RASGEF1B: variants seen among roughly 807,000 people sequenced by gnomAD.
RASGEF1B encodes the protein RasGEF domain family member 1B.
In RASGEF1B, 30 loss-of-function variants were observed where a neutral mutation model predicts 65.7. The ratio of observed to expected loss-of-function variants is 0.46; its 90% CI spans 0.34 to 0.62. The LOEUF (loss-of-function observed/expected upper bound fraction) is 0.62. Ranked by LOEUF, RASGEF1B falls within the 20% of genes least tolerant of loss-of-function variation. The probability of loss-of-function intolerance (pLI) is 0.01; values close to 1 mark genes in which losing one functional copy is unlikely to be tolerated. For missense variants in RASGEF1B, 495 were observed against 580.1 expected (o/e 0.85, Z 1.51); for synonymous variants, 175 against 194.8 (o/e 0.90, Z 0.85).
chr4:81,461,847 T>A (rs955129742), intron 1 of RASGEF1B, among the ~76,000 whole-genome samples: 1 of 152,184 alleles, frequency 6.6e-6, no homozygotes, highest in East Asian at 1.9e-4. Flanking sequence ...CAGGCTAAGA[T>A]GACCCAGCAA....
intron 10 of RASGEF1B, 123 bp from the exon 11 acceptor site, chr4:81,434,857 TAC>T: frequency 3.1e-6 from 2 of 637,426 alleles, no homozygotes; most frequent in Non-Finnish European, 5.6e-6. Flanking sequence ...AGAATTAAGG[TAC>T]AGTGTTTTGT....
At position 81,459,510 on chromosome 4, in the gene RASGEF1B, CT is replaced by C; in HGVS notation, c.-3del. On this transcript the variant is annotated 5_prime_UTR_variant, in exon 2 of 14. Transcript: ENST00000264400. Reference sequence around the variant, plus strand: ...TGAAAAGGGAGGAGTCTGAGGCATACTTTCCTAAAAGGAATAAAAAAGAAGA... The same window carrying C: ...TGAAAAGGGAGGAGTCTGAGGCATACTTCCTAAAAGGAATAAAAAAGAAGA... 6.4e-7 allele frequency: 1 copy of C among 1,572,344 alleles called. No individual in the cohort carries two copies. The highest frequency in any genetic ancestry group is 1.4e-5 in the African/African-American group (1 of 72,892).
intron 8 of RASGEF1B, among the ~76,000 whole-genome samples, chr4:81,442,836 A>C (rs1246176610): frequency 1.3e-5 from 2 of 152,232 alleles, no homozygotes; most frequent in Non-Finnish European, 2.9e-5. Flanking sequence ...TTTTTCAATC[A>C]TTTAAAAAGA....
At chr4:81,435,597 T>G (rs1291083205) in intron 10 of RASGEF1B, among the ~76,000 whole-genome samples, 1 of 144,774 alleles carries the variant, frequency 6.9e-6, no homozygotes, top group Non-Finnish European at 1.5e-5. Context: ...GCCTCCCGAG[T>G]AGCTGGGACT....
At chr4:81,457,356 T>A in intron 3 of RASGEF1B, 143 bp downstream of exon 3, 2 of 732,380 alleles carry the variant, frequency 2.7e-6, no homozygotes, top group Non-Finnish European at 4.5e-6. Context: ...CTTTATACCA[T>A]TCACAATTCC....
chr4:81,459,313 G>A lies in RASGEF1B; in HGVS notation c.177+19C>T, dbSNP rs1290407654. On this transcript the variant is annotated intron_variant, in intron 2 of 13. Coordinates refer to ENST00000264400, the MANE Select transcript of RASGEF1B (RefSeq NM_152545.3). ...TACTCATTGCCAAGGATGTGTTTCAGAGAAACATGAATACCTACATCTGGA... is the reference window on the plus strand; with the variant it reads ...TACTCATTGCCAAGGATGTGTTTCAAAGAAACATGAATACCTACATCTGGA... 2 of 1,542,556 alleles carry A rather than the reference G, an allele frequency of 1.3e-6. No individual in the cohort carries two copies. The highest frequency in any genetic ancestry group is 1.4e-5 in the African/African-American group (1 of 72,906).
intron 4 of RASGEF1B, chr4:81,451,219 G>A: frequency 6.6e-6 from 1 of 152,124 alleles, no homozygotes; most frequent in East Asian, 1.9e-4. Context: ...ATGAAGAAGG[G>A]ACTTAATCTT....
At chr4:81,437,478 G>A (rs1269615945) in intron 10 of RASGEF1B, among the ~76,000 whole-genome samples, 1 of 152,144 alleles carries the variant, frequency 6.6e-6, no homozygotes, top group Non-Finnish European at 1.5e-5. Context: ...TATTGTAGCA[G>A]CTTTTAAAAA....
chr4:81,427,732 A>AAGCAGC lies in RASGEF1B; in HGVS notation c.*30_*35dup, dbSNP rs746718881. On this transcript the variant is annotated 3_prime_UTR_variant, in exon 14 of 14. Transcript: ENST00000264400. ...GGCCAGCCCCTCCATGATCTGCAGG[A>AAGCAGC]AGCAGCAGCAGCAGCAGGCAGGCAG... The AAGCAGC allele has an allele frequency of 5.6e-6, 9 of 1,612,146 alleles. No homozygotes were observed. The highest frequency in any genetic ancestry group is 7.6e-6 in the Non-Finnish European group (9 of 1,179,026).
chr4:81,439,308 TA>T (rs1427672066), intron 10 of RASGEF1B, among the ~76,000 whole-genome samples: 4 of 152,230 alleles, frequency 2.6e-5, no homozygotes, highest in African/African-American at 9.6e-5. Flanking sequence ...TCATTTGTTT[TA>T]TGAACTACAG....
chr4:81,444,477 A>T (rs1399340173), intron 8 of RASGEF1B, among the ~76,000 whole-genome samples: 1 of 152,214 alleles, frequency 6.6e-6, no homozygotes, highest in Admixed American at 6.5e-5. Flanking sequence ...AGATTCTTGA[A>T]CTAAATTTGG....
At position 81,459,531 on chromosome 4, in the gene RASGEF1B, A is replaced by G. The variant is rs1560709791; in HGVS notation, c.-6-17T>C. 3 of 1,540,142 alleles carry G rather than the reference A, an allele frequency of 1.9e-6. No homozygotes were observed. The highest frequency in any genetic ancestry group is 1.7e-6 in the Non-Finnish European group (2 of 1,145,312). On this transcript the variant is annotated splice_polypyrimidine_tract_variant and intron_variant, in intron 1 of 13. Transcript: ENST00000264400. ...CATACTTTCCTAAAAGGAATAAAAA[A>G]GAAGAAAAAATAATGTCAGCAATAT...
At chr4:81,468,548 T>C (rs761590917) in intron 1 of RASGEF1B, among the ~76,000 whole-genome samples, 4 of 152,172 alleles carry the variant, frequency 2.6e-5, no homozygotes, top group Admixed American at 2.0e-4. Flanking sequence ...AAAAATTTAG[T>C]GGATAGTAAT....
intron 13 of RASGEF1B, among the ~76,000 whole-genome samples, chr4:81,430,288 G>A (rs997469139): frequency 5.3e-5 from 8 of 152,180 alleles, no homozygotes; most frequent in African/African-American, 1.2e-4. Flanking sequence ...GCGACAGAGA[G>A]AGACTTCGTC....
chr4:81,454,142 A>G (rs1294895713), intron 4 of RASGEF1B: 1 of 152,216 alleles, frequency 6.6e-6, no homozygotes, highest in Non-Finnish European at 1.5e-5. Context: ...AGCCAGGGTC[A>G]CAAGGCTGTT....
At chr4:81,429,472 T>C (rs970412297) in intron 13 of RASGEF1B, among the ~76,000 whole-genome samples, 1 of 151,810 alleles carries the variant, frequency 6.6e-6, no homozygotes, top group African/African-American at 2.4e-5. Context: ...AAGTGCTGGG[T>C]AGAGAAAGGC....
chr4:81,449,515 A>T (rs900698655), intron 4 of RASGEF1B, among the ~76,000 whole-genome samples: 1 of 152,328 alleles, frequency 6.6e-6, no homozygotes, highest in Non-Finnish European at 1.5e-5. Context: ...CCAAAATAAT[A>T]TTCTTCTAGG....
intron 13 of RASGEF1B, among the ~76,000 whole-genome samples, chr4:81,430,090 A>G (rs1207488998): frequency 2.0e-5 from 3 of 152,338 alleles, no homozygotes; most frequent in Admixed American, 2.0e-4. Flanking sequence ...TCACGAGGTC[A>G]GGAGATCGAG....
At chr4:81,468,370 G>T (rs1446836445) in intron 1 of RASGEF1B, among the ~76,000 whole-genome samples, 1 of 152,118 alleles carries the variant, frequency 6.6e-6, no homozygotes, top group African/African-American at 2.4e-5. Context: ...TCAATAGAAA[G>T]ATATTGGTAG....
Sources: allele counts gnomAD v4.1 joint callset (sites outside exome capture counted in the v4.1 genomes callset), GRCh38; gene constraint gnomAD v4.1.1; transcripts MANE v1.5; gene names NCBI Gene and HGNC (gene_info 2026-07-23, HGNC 2026-07-21).